Variants in MTA3 observed in about 807,000 individuals in gnomAD.
MTA3 encodes the protein metastasis associated 1 family member 3, also known as metastasis-associated protein MTA3.
In MTA3, 34 loss-of-function variants were observed where a neutral mutation model predicts 83.5. That is an observed-to-expected ratio of 0.41 (90% CI 0.31 to 0.54). MTA3 has a LOEUF of 0.54. MTA3 is among the 20% of genes least tolerant of loss of function. The pLI, the probability that MTA3 is intolerant of heterozygous loss-of-function variation, is 0.33. For synonymous variants in MTA3, 303 were observed against 252.7 expected (o/e 1.20, Z -1.89); for missense variants, 761 against 726.4 (o/e 1.05, Z -0.55).
At chr2:42,741,188 C>G (rs1334443139) in intron 16 of MTA3, among the ~76,000 whole-genome samples, 1 of 152,230 alleles carries the variant, frequency 6.6e-6, no homozygotes, top group Non-Finnish European at 1.5e-5. Context: ...CTCCAGCTTC[C>G]TCACCTCTCT....
At chr2:42,622,416 TAGAGGG>T (rs1252874655) in intron 4 of MTA3, among the ~76,000 whole-genome samples, 3 of 42,418 alleles carry the variant, frequency 7.1e-5, no homozygotes, top group Non-Finnish European at 1.4e-4. Flanking sequence ...TAGGGGGAGG[TAGAGGG>T]GGAGGGGGAG....
At chr2:42,576,621 C>A (rs1679056792) in intron 2 of MTA3, among the ~76,000 whole-genome samples, 1 of 151,948 alleles carries the variant, frequency 6.6e-6, no homozygotes, top group Admixed American at 6.6e-5. Flanking sequence ...CAAAACAAGG[C>A]CAGATATGGT....
chr2:42,599,452 C>T (rs970827236), intron 3 of MTA3, among the ~76,000 whole-genome samples: 2 of 151,736 alleles, frequency 1.3e-5, no homozygotes, highest in African/African-American at 4.8e-5. Context: ...AAAAATTAGC[C>T]GGGTGTGGTG....
rs539244787 is a variant in MTA3 at position 42,595,271 on chromosome 2, G to A, written c.191-14187G>A. On this transcript the variant is annotated intron_variant, in intron 3 of 16. Coordinates refer to ENST00000405094, the MANE Select transcript of MTA3 (RefSeq NM_001330442.2). ...ACTACAGGTGCCTGCCACCATGCCC[G>A]GCTAATTTTTTTGTGTTTTTAGTAG... is the stretch of plus-strand genomic sequence containing the variant. Among the ~76,000 whole-genome samples the A allele has an allele frequency of 2.3e-4, 33 of 145,580 alleles. No individual in the cohort carries two copies. The South Asian group carries it at 6.5e-3, about 29-fold the overall frequency.
At chr2:42,682,728 T>A (rs1301996626) in intron 9 of MTA3, 139 bp downstream of exon 9, 1 of 767,636 alleles carries the variant, frequency 1.3e-6, no homozygotes, top group East Asian at 2.7e-5. Context: ...TGAAGGTTAG[T>A]CTTGTAAAGG....
At chr2:42,694,338 GA>G (rs1348543036) in intron 9 of MTA3, among the ~76,000 whole-genome samples, 2 of 152,086 alleles carry the variant, frequency 1.3e-5, no homozygotes, top group African/African-American at 2.4e-5. Context: ...TTTAGGAGTT[GA>G]AGTCCTTGTG....
At chr2:42,724,277 AACACACACACAC>A (rs34379999) in intron 16 of MTA3, among the ~76,000 whole-genome samples, 14 of 73,182 alleles carry the variant, frequency 1.9e-4, no homozygotes, top group South Asian at 1.5e-3. Flanking sequence ...AGTCCTGAAA[AACACACACACAC>A]ACACACACAC....
intron 2 of MTA3, among the ~76,000 whole-genome samples, chr2:42,510,595 G>A (rs973270379): frequency 3.3e-5 from 5 of 152,196 alleles, no homozygotes; most frequent in Non-Finnish European, 5.9e-5. Context: ...ACACTGTCAT[G>A]AAACAAAAGA....
At chr2:42,638,496 C>T (rs949315578) in intron 4 of MTA3, among the ~76,000 whole-genome samples, 1 of 151,832 alleles carries the variant, frequency 6.6e-6, no homozygotes, top group Non-Finnish European at 1.5e-5. Context: ...TCAAGCAGTC[C>T]CCCAACCGCG....
intron 14 of MTA3, chr2:42,712,608 G>A (rs1157516974): frequency 1.3e-5 from 2 of 152,134 alleles, no homozygotes; most frequent in African/African-American, 4.8e-5. Flanking sequence ...GCCTGAGCCA[G>A]TTCTACCACG....
chr2:42,672,341 A>T (rs1164674630), intron 8 of MTA3, among the ~76,000 whole-genome samples: 1 of 139,044 alleles, frequency 7.2e-6, no homozygotes, highest in Non-Finnish European at 1.6e-5. Flanking sequence ...CCTCCTCTCT[A>T]TTAAAAAAAA....
At chr2:42,679,118 C>G (rs1452864086) in intron 8 of MTA3, among the ~76,000 whole-genome samples, 2 of 152,146 alleles carry the variant, frequency 1.3e-5, no homozygotes, top group African/African-American at 2.4e-5. Context: ...CCTAAAAATT[C>G]AGCACCCAAC....
intron 6 of MTA3, among the ~76,000 whole-genome samples, chr2:42,653,495 C>G (rs1464588850): frequency 6.6e-6 from 1 of 152,116 alleles, no homozygotes; most frequent in Non-Finnish European, 1.5e-5. Context: ...AAGAAGTGAT[C>G]AAACTGATAT....
chr2:42,670,226 G>A lies in MTA3; in HGVS notation c.702+10364G>A, dbSNP rs555439895. Among the ~76,000 whole-genome samples, 15 of 150,758 alleles carry A rather than the reference G, an allele frequency of 9.9e-5. 1 individual carries two copies. The South Asian group carries it at 3.1e-3, about 32-fold the overall frequency. ...GTGAGCTGAGATTGCGCCATTGCAC[G>A]CCAGCCTGGGCAACAAGAGCTTAAC... On this transcript the variant is annotated intron_variant, in intron 8 of 16. Coordinates refer to ENST00000405094, the MANE Select transcript of MTA3 (RefSeq NM_001330442.2).
chr2:42,587,075 C>T (rs1181047387), intron 3 of MTA3, among the ~76,000 whole-genome samples: 1 of 151,656 alleles, frequency 6.6e-6, no homozygotes, highest in Non-Finnish European at 1.5e-5. Context: ...CACCTGTAAT[C>T]CTAGCTACTC....
intron 4 of MTA3, among the ~76,000 whole-genome samples, chr2:42,630,149 G>A (rs1307263485): frequency 6.6e-6 from 1 of 152,132 alleles, no homozygotes; most frequent in Admixed American, 6.6e-5. Context: ...TGGGAACAGT[G>A]GGCTCCCCAT....
At chr2:42,543,617 C>A (rs1676621211) in intron 2 of MTA3, among the ~76,000 whole-genome samples, 1 of 151,162 alleles carries the variant, frequency 6.6e-6, no homozygotes, top group Non-Finnish European at 1.5e-5. Flanking sequence ...TCCCAAGGGA[C>A]TGGGACTATA....
chr2:42,586,644 C>T (rs1034788118), intron 3 of MTA3, among the ~76,000 whole-genome samples: 3 of 151,392 alleles, frequency 2.0e-5, no homozygotes, highest in South Asian at 2.1e-4. Context: ...TGGCTCCCAG[C>T]GCTTTGGCTT....
At chr2:42,701,666 A>G (rs1665572182) in intron 11 of MTA3, among the ~76,000 whole-genome samples, 1 of 152,236 alleles carries the variant, frequency 6.6e-6, no homozygotes, top group Non-Finnish European at 1.5e-5. Context: ...CTGTAATCCC[A>G]GCACTTTGGG....
Sources: allele counts gnomAD v4.1 joint callset (sites outside exome capture counted in the v4.1 genomes callset), GRCh38; gene constraint gnomAD v4.1.1; transcripts MANE v1.5; gene names NCBI Gene and HGNC (gene_info 2026-07-23, HGNC 2026-07-21).